Variants in CACNA2D3 observed in about 807,000 individuals in gnomAD.
The protein encoded by CACNA2D3 is calcium voltage-gated channel auxiliary subunit alpha2delta 3.
A neutral mutation model predicts 160.6 loss-of-function variants in CACNA2D3; 60 were observed. That is an observed-to-expected ratio of 0.37 (90% CI 0.30 to 0.46). The LOEUF (loss-of-function observed/expected upper bound fraction) is 0.46. Ranked by LOEUF, CACNA2D3 falls within the 20% of genes least tolerant of loss-of-function variation. CACNA2D3 has a pLI of 1.00. For missense variants in CACNA2D3, 1,205 were observed against 1,365.0 expected (o/e 0.88, Z 1.85); for synonymous variants, 558 against 492.9 (o/e 1.13, Z -1.75).
At chr3:54,130,894 TC>T (rs1354950302) in intron 2 of CACNA2D3, among the ~76,000 whole-genome samples, 1 of 152,192 alleles carries the variant, frequency 6.6e-6, no homozygotes, top group Non-Finnish European at 1.5e-5. Context: ...TGGATTTGAG[TC>T]CCAGATCTGA....
At chr3:54,924,560 T>A (rs909558845) in intron 27 of CACNA2D3, 14 of 1,338,280 alleles carry the variant, frequency 1.0e-5, no homozygotes, top group Non-Finnish European at 1.5e-5. Flanking sequence ...AGAGAACAGA[T>A]GAGATTCATC....
intron 27 of CACNA2D3, chr3:54,918,394 C>T (rs1700725150): frequency 2.1e-6 from 2 of 952,124 alleles, no homozygotes; most frequent in Admixed American, 4.6e-5. Flanking sequence ...ACAGGAAACA[C>T]ATCAGCCCTA....
intron 2 of CACNA2D3, among the ~76,000 whole-genome samples, chr3:54,141,091 G>GCA (rs1429323171): frequency 0.014 from 1,322 of 97,430 alleles, 28 homozygotes; most frequent in African/African-American, 0.052. Flanking sequence ...GTGTGTGCGC[G>GCA]CGCGCGCGTG....
chr3:54,982,835 G>A (rs1344404431), intron 29 of CACNA2D3, among the ~76,000 whole-genome samples: 1 of 152,092 alleles, frequency 6.6e-6, no homozygotes, highest in Non-Finnish European at 1.5e-5. Context: ...GCATTGGTGG[G>A]AGTATAGCAG....
At chr3:55,058,637 T>A (rs949470812) in intron 35 of CACNA2D3, among the ~76,000 whole-genome samples, 9 of 152,304 alleles carry the variant, frequency 5.9e-5, no homozygotes, top group South Asian at 4.1e-4. Context: ...ATGTTTTTTT[T>A]AAATAGAAAG....
rs1181819442 is a variant in CACNA2D3 at position 54,822,807 on chromosome 3, C to CT, written c.1398+5940dup. ...CTTTCTTTCCTTTCTTTCTTTCTTT[C>CT]TTTCTTTCTTTCTTTCTTTCTTTCT... On this transcript the variant is annotated intron_variant, in intron 14 of 37. Coordinates refer to ENST00000474759, the MANE Select transcript of CACNA2D3 (RefSeq NM_018398.3). Among the ~76,000 whole-genome samples, 280 of 102,774 alleles carry CT rather than the reference C, an allele frequency of 2.7e-3. 10 individuals carry two copies. Among genetic ancestry groups the CT allele is most frequent in the African/African-American group, 0.012 (257 of 21,872 alleles). The allele number at this position is 102,774 out of a possible 152,430, so 67.4% of individuals were successfully genotyped here. A position where few individuals can be genotyped will look rare whatever the true frequency, so the allele number is the denominator to read the frequency against.
intron 17 of CACNA2D3, among the ~76,000 whole-genome samples, chr3:54,866,272 G>T (rs976842634): frequency 2.0e-5 from 3 of 152,188 alleles, no homozygotes; most frequent in Admixed American, 6.5e-5. Context: ...GTGGCCATTG[G>T]TCCTTATCTC....
At chr3:54,405,136 A>G (rs1349618206) in intron 4 of CACNA2D3, among the ~76,000 whole-genome samples, 1 of 151,920 alleles carries the variant, frequency 6.6e-6, no homozygotes, top group Admixed American at 6.6e-5. Flanking sequence ...GTACTATACT[A>G]TACTAAAAAG....
intron 8 of CACNA2D3, 139 bp downstream of exon 8, chr3:54,570,243 G>T: frequency 1.1e-6 from 1 of 919,048 alleles, no homozygotes; most frequent in Non-Finnish European, 1.7e-6. Flanking sequence ...CATGAAAGTT[G>T]ACAGAGTCAT....
chr3:55,020,145 A>G (rs1052506346), intron 35 of CACNA2D3, among the ~76,000 whole-genome samples: 1 of 151,756 alleles, frequency 6.6e-6, no homozygotes, highest in African/African-American at 2.4e-5. Context: ...TAGTTTGTTA[A>G]CATGTTACAT....
At chr3:54,877,721 T>C (rs1699695668) in intron 18 of CACNA2D3, among the ~76,000 whole-genome samples, 1 of 152,176 alleles carries the variant, frequency 6.6e-6, no homozygotes, top group Non-Finnish European at 1.5e-5. Context: ...ATGTTGATTG[T>C]TCTGTGCTAC....
chr3:54,811,273 C>G (rs1198526181), intron 13 of CACNA2D3, among the ~76,000 whole-genome samples: 2 of 151,992 alleles, frequency 1.3e-5, no homozygotes, highest in East Asian at 1.9e-4. Context: ...CTCAGTATGC[C>G]TCTCCCATAG....
intron 35 of CACNA2D3, among the ~76,000 whole-genome samples, chr3:55,063,814 C>T (rs73845266): frequency 0.017 from 2,639 of 152,196 alleles, 73 homozygotes; most frequent in African/African-American, 0.061. Flanking sequence ...AAGAATGGGC[C>T]GTGGCAGGGA....
At chr3:55,072,864 T>C (rs358075) in intron 35 of CACNA2D3, among the ~76,000 whole-genome samples, 129,770 of 151,934 alleles carry the variant, frequency 0.85, 55,481 homozygotes, top group East Asian at 0.95. Context: ...CTCTTTCTTA[T>C]AGAACTTGGG....
chr3:54,800,986 C>CTTTT (rs541320556), intron 13 of CACNA2D3, among the ~76,000 whole-genome samples: 2 of 140,758 alleles, frequency 1.4e-5, no homozygotes, highest in Admixed American at 7.2e-5. Flanking sequence ...ACTGGAATAT[C>CTTTT]TTTTTTTTTT....
chr3:54,942,650 A>G (rs531896362), intron 27 of CACNA2D3, among the ~76,000 whole-genome samples: 1 of 152,302 alleles, frequency 6.6e-6, no homozygotes, highest in Non-Finnish European at 1.5e-5. Flanking sequence ...GCAGCTTGGG[A>G]GACTGAGCCA....
chr3:54,776,004 G>C (rs996662296), intron 13 of CACNA2D3, among the ~76,000 whole-genome samples: 1 of 152,102 alleles, frequency 6.6e-6, no homozygotes, highest in African/African-American at 2.4e-5. Context: ...TCTCCTCCCA[G>C]TCCTGGCTTT....
intron 4 of CACNA2D3, among the ~76,000 whole-genome samples, chr3:54,432,583 C>A (rs2106776452): frequency 6.6e-6 from 1 of 152,212 alleles, no homozygotes; most frequent in Non-Finnish European, 1.5e-5. Context: ...TGCCAGCGGA[C>A]CCAGTTGATG....
chr3:54,386,980 CT>C (rs1699198183), intron 4 of CACNA2D3, among the ~76,000 whole-genome samples: 1 of 152,190 alleles, frequency 6.6e-6, no homozygotes. Context: ...ATGTCAAACA[CT>C]CACATGTGTG....
Sources: allele counts gnomAD v4.1 joint callset (sites outside exome capture counted in the v4.1 genomes callset), GRCh38; gene constraint gnomAD v4.1.1; transcripts MANE v1.5; gene names NCBI Gene and HGNC (gene_info 2026-07-23, HGNC 2026-07-21).